The following KCNQ1 variants were observed in gnomAD, a reference collection of about 807,000 sequenced individuals.
KCNQ1 encodes the protein potassium voltage-gated channel subfamily KQT member 1.
Under a neutral mutation model 72.4 loss-of-function variants are expected in KCNQ1, and 49 were observed. The observed-to-expected ratio is 0.68, with a 90% confidence interval of 0.54 to 0.86. The LOEUF (loss-of-function observed/expected upper bound fraction) is 0.86. Ranked by LOEUF, KCNQ1 falls within the 40% of genes least tolerant of loss-of-function variation. The probability of loss-of-function intolerance (pLI) is 0.00; values close to 1 mark genes in which losing one functional copy is unlikely to be tolerated. For synonymous variants in KCNQ1, 450 were observed against 412.6 expected (o/e 1.09, Z -1.10); for missense variants, 790 against 945.1 (o/e 0.84, Z 2.15).
chr11:2,490,341 TG>T (rs1846814588), intron 1 of KCNQ1, among the ~76,000 whole-genome samples: 1 of 152,232 alleles, frequency 6.6e-6, no homozygotes, highest in Admixed American at 6.5e-5. Context: ...ACCTTGGACT[TG>T]GGGGAACTCA....
In KCNQ1 at chr11:2,826,118, A is replaced by C. The variant is rs1342291054; in HGVS notation, c.1795-21649A>C. On this transcript the variant is annotated intron_variant, in intron 15 of 15. Coordinates refer to ENST00000155840, the MANE Select transcript of KCNQ1 (RefSeq NM_000218.3). The surrounding 1 kb of genome is among the most constrained non-coding windows in gnomAD (Gnocchi z 4.2). The stretch of plus-strand genomic sequence containing the variant: ...CCTGTTACCTAACCAGGCCTGGCTC[A>C]TGCCAATGTCTTGAGTAATTATTGG... Among the ~76,000 whole-genome samples the C allele has an allele frequency of 1.3e-5, 2 of 152,260 alleles. No individual in the cohort carries two copies. Among genetic ancestry groups the C allele is most frequent in the Non-Finnish European group, 2.9e-5 (2 of 68,046 alleles).
rs187504549 is a variant in KCNQ1, at chr11:2,694,493, C to T, written c.1514+32412C>T. 1.7e-3 allele frequency: 692 copies of T among 398,632 alleles called. 4 individuals carry two copies. Among genetic ancestry groups the T allele is most frequent in the Middle Eastern group, 0.017 (27 of 1,588 alleles). The allele number at this position is 398,632 out of a possible 1,614,324, so 24.7% of individuals were successfully genotyped here. Reference sequence around the variant, plus strand: ...AGATACATCCTGTCCCAAGCATTACCAGTGTGGCTGGCTAAGAAACCCTGG... The same window carrying T: ...AGATACATCCTGTCCCAAGCATTACTAGTGTGGCTGGCTAAGAAACCCTGG... On this transcript the variant is annotated intron_variant, in intron 11 of 15. Coordinates refer to ENST00000155840, the MANE Select transcript of KCNQ1 (RefSeq NM_000218.3).
Position 2,682,487 on chromosome 11 carries a change from T to TGAGTGAGG in KCNQ1, c.1514+20413_1514+20414insGGAGTGAG, listed in dbSNP as rs994657528. The TGAGTGAGG allele has an allele frequency of 7.5e-6, 3 of 397,358 alleles. No individual in the cohort carries two copies. The highest frequency in any genetic ancestry group is 1.3e-5 in the Non-Finnish European group (3 of 225,820). The allele number at this position is 397,358 out of a possible 1,614,324, so 24.6% of individuals were successfully genotyped here. On this transcript the variant is annotated intron_variant, in intron 11 of 15. Transcript: ENST00000155840. This position sits in a 1 kb window ranked among gnomAD's most constrained non-coding sequence, Gnocchi z 5.8. ...AGTGAATGTTTGACGAGTGAGTGAG[T>TGAGTGAGG]GAGTGAGTGAGTGAGTGAGTACTTG...
At chr11:2,806,559 G>T (rs1386398002) in intron 15 of KCNQ1, among the ~76,000 whole-genome samples, 2 of 152,160 alleles carry the variant, frequency 1.3e-5, no homozygotes, top group Non-Finnish European at 2.9e-5. Flanking sequence ...CAGGTAACCT[G>T]TCTGTGCTCC....
rs533377797 is a variant in KCNQ1, at chr11:2,464,629, G to A, written c.386+19145G>A. ...TGTCCTTGGGGAGGCCTGGGGGACA[G>A]GAGTTGGGGGGGTGGGCAGTGCCTC... is the stretch of plus-strand genomic sequence containing the variant. On this transcript the variant is annotated intron_variant, in intron 1 of 15. Coordinates refer to ENST00000155840, the MANE Select transcript of KCNQ1 (RefSeq NM_000218.3). This position sits in a 1 kb window ranked among gnomAD's most constrained non-coding sequence, Gnocchi z 5.0. Among the ~76,000 whole-genome samples, 17 of 152,262 alleles carry A rather than the reference G, an allele frequency of 1.1e-4. No individual in the cohort carries two copies. Among genetic ancestry groups the A allele is most frequent in the African/African-American group, 3.4e-4 (14 of 41,550 alleles).
rs1242256584 is a variant in KCNQ1, at chr11:2,762,361, C to T, written c.1515-6483C>T. On this transcript the variant is annotated intron_variant, in intron 11 of 15. Coordinates refer to ENST00000155840, the MANE Select transcript of KCNQ1 (RefSeq NM_000218.3). This position sits in a 1 kb window ranked among gnomAD's most constrained non-coding sequence, Gnocchi z 4.3. Reference sequence around the variant, plus strand: ...TTGCCTCATAGTTAGGCCTGTGACTCTCCCTGGGTTAACTTTGTGACCGGT... The same window carrying T: ...TTGCCTCATAGTTAGGCCTGTGACTTTCCCTGGGTTAACTTTGTGACCGGT... Among the ~76,000 whole-genome samples the T allele has an allele frequency of 6.6e-6, 1 of 152,226 alleles. No homozygotes were observed. The highest frequency in any genetic ancestry group is 1.5e-5 in the Non-Finnish European group (1 of 68,046).
chr11:2,813,539 C>T lies in KCNQ1; in HGVS notation c.1795-34228C>T, dbSNP rs1478615023. 6.6e-6 allele frequency among the ~76,000 whole-genome samples: 1 copy of T among 152,118 alleles called. No individual in the cohort carries two copies. ...CCTCCAGCCCCTGTCTCTATGGTCCCCTCCTTGATCTGGAGCCATTCAGCC... is the reference window on the plus strand; with the variant it reads ...CCTCCAGCCCCTGTCTCTATGGTCCTCTCCTTGATCTGGAGCCATTCAGCC... On this transcript the variant is annotated intron_variant, in intron 15 of 15. Transcript: ENST00000155840. This position sits in a 1 kb window ranked among gnomAD's most constrained non-coding sequence, Gnocchi z 4.4.
chr11:2,738,743 C>T (rs913945397), intron 11 of KCNQ1, among the ~76,000 whole-genome samples: 8 of 152,332 alleles, frequency 5.3e-5, no homozygotes, highest in Admixed American at 6.5e-5. Flanking sequence ...CCCAGCAGAA[C>T]GTGGGCTGCA....
At position 2,768,983 on chromosome 11, in the gene KCNQ1, C is replaced by CT; in HGVS notation, c.1590+64_1590+65insT. On this transcript the variant is annotated intron_variant, in intron 12 of 15. Coordinates refer to ENST00000155840, the MANE Select transcript of KCNQ1 (RefSeq NM_000218.3). This position sits in a 1 kb window ranked among gnomAD's most constrained non-coding sequence, Gnocchi z 6.7. Reference sequence around the variant, plus strand: ...CCTCGCAGCCTGATGCAGCTGCCCACACCTCTCCTGGGTTCTCTCCTGCCC... The same window carrying CT: ...CCTCGCAGCCTGATGCAGCTGCCCACTACCTCTCCTGGGTTCTCTCCTGCCC... 1 of 1,332,126 alleles carries CT rather than the reference C, an allele frequency of 7.5e-7. No homozygotes were observed. Among genetic ancestry groups the CT allele is most frequent in the Admixed American group, 1.7e-5 (1 of 58,988 alleles). The allele number at this position is 1,332,126 out of a possible 1,614,324, so 82.5% of individuals were successfully genotyped here.
intron 2 of KCNQ1, among the ~76,000 whole-genome samples, chr11:2,534,644 G>T (rs1651508237): frequency 6.6e-6 from 1 of 152,198 alleles, no homozygotes; most frequent in Admixed American, 6.5e-5. Flanking sequence ...GGGCTGCAGG[G>T]TGCTCTGGGA....
chr11:2,723,169 G>A lies in KCNQ1; in HGVS notation c.1515-45675G>A, dbSNP rs754478044. On this transcript the variant is annotated intron_variant, in intron 11 of 15. Transcript: ENST00000155840. The surrounding 1 kb of genome is among the most constrained non-coding windows in gnomAD (Gnocchi z 4.2). ...CTTGGCTCCGCCTTCCTCCGTGGTG[G>A]CCTGAGAGGGGTGTGGTGCTGCTTG... Among the ~76,000 whole-genome samples, 15 of 152,340 alleles carry A rather than the reference G, an allele frequency of 9.8e-5. No individual in the cohort carries two copies. The highest frequency in any genetic ancestry group is 2.1e-4 in the South Asian group (1 of 4,826).
intron 15 of KCNQ1, among the ~76,000 whole-genome samples, chr11:2,802,476 C>T (rs773719087): frequency 6.6e-6 from 1 of 152,224 alleles, no homozygotes; most frequent in Admixed American, 6.5e-5. Context: ...ATTAATTAAG[C>T]CCCCTGGAGA....
chr11:2,597,300 G>A (rs547458030), intron 10 of KCNQ1, among the ~76,000 whole-genome samples: 2 of 152,250 alleles, frequency 1.3e-5, no homozygotes, highest in East Asian at 3.9e-4. Flanking sequence ...CAAAATTAAA[G>A]ATGCATATGC....
At chr11:2,631,278 A>C (rs917511554) in intron 10 of KCNQ1, 2 of 398,244 alleles carry the variant, frequency 5.0e-6, no homozygotes, top group African/African-American at 2.1e-5. Context: ...TTACCTTTTC[A>C]TTCTTTATTT....
chr11:2,793,485 G>C (rs183032723), intron 15 of KCNQ1, among the ~76,000 whole-genome samples: 2 of 129,298 alleles, frequency 1.5e-5, no homozygotes, highest in South Asian at 4.7e-4. Context: ...TTAGCCAAGC[G>C]TGATGGTGTG....
At position 2,674,796 on chromosome 11, in the gene KCNQ1, C is replaced by T. The variant is rs1850261788; in HGVS notation, c.1514+12715C>T. The T allele has an allele frequency of 2.5e-6, 1 of 392,484 alleles. No individual in the cohort carries two copies. Among genetic ancestry groups the T allele is most frequent in the Non-Finnish European group, 4.4e-6 (1 of 225,436 alleles). 24.3% of individuals were successfully genotyped at this position (392,484 alleles called of 1,614,324 possible). On this transcript the variant is annotated intron_variant, in intron 11 of 15. Transcript: ENST00000155840. The surrounding 1 kb of genome is among the most constrained non-coding windows in gnomAD (Gnocchi z 5.9). The stretch of plus-strand genomic sequence containing the variant: ...CCTGGAAACTCTCGCCAACTGCTGG[C>T]CTTTGGAAAGGCTTGTCACCCTAAT...
rs200255790 is a variant in KCNQ1 at position 2,574,942 on chromosome 11, G to GT, written c.921+1957dup. ...GCCCCCCTGCGGGAGCCTGCCTGCA[G>GT]TGAGTGTGGATGGGTAGGGCGTGCT... On this transcript the variant is annotated intron_variant, in intron 6 of 15. Transcript: ENST00000155840. 8.0e-3 allele frequency among the ~76,000 whole-genome samples: 1,221 copies of GT among 152,300 alleles called. 11 individuals are homozygous for GT. The highest frequency in any genetic ancestry group is 0.027 in the African/African-American group (1,123 of 41,564).
chr11:2,715,736 C>G lies in KCNQ1; in HGVS notation c.1515-53108C>G, dbSNP rs1203656876. Among the ~76,000 whole-genome samples, 1 of 152,212 alleles carries G rather than the reference C, an allele frequency of 6.6e-6. No individual in the cohort carries two copies. Among genetic ancestry groups the G allele is most frequent in the Non-Finnish European group, 1.5e-5 (1 of 68,022 alleles). On this transcript the variant is annotated intron_variant, in intron 11 of 15. Coordinates refer to ENST00000155840, the MANE Select transcript of KCNQ1 (RefSeq NM_000218.3). The surrounding 1 kb of genome is among the most constrained non-coding windows in gnomAD (Gnocchi z 4.9). ...CTCTGGGGCACCCTCATATCACACC[C>G]TGTCCCTCTGGCCACATTCCAGCTG...
In KCNQ1 at chr11:2,457,952, A is replaced by G. The variant is rs1846220499; in HGVS notation, c.386+12468A>G. Among the ~76,000 whole-genome samples, 1 of 152,094 alleles carries G rather than the reference A, an allele frequency of 6.6e-6. No homozygotes were observed. Among genetic ancestry groups the G allele is most frequent in the Admixed American group, 6.6e-5 (1 of 15,264 alleles). On this transcript the variant is annotated intron_variant, in intron 1 of 15. Coordinates refer to ENST00000155840, the MANE Select transcript of KCNQ1 (RefSeq NM_000218.3). The surrounding 1 kb of genome is among the most constrained non-coding windows in gnomAD (Gnocchi z 5.0). ...CTGTTTCCTGGAAAGGCCCAGGACC[A>G]AGGACCACTCAGCAGCTAAGAGCAT...
Sources: allele counts gnomAD v4.1 joint callset (sites outside exome capture counted in the v4.1 genomes callset), GRCh38; gene constraint gnomAD v4.1.1; non-coding constraint Gnocchi (gnomAD v3.1); transcripts MANE v1.5; gene names NCBI Gene and HGNC (gene_info 2026-07-23, HGNC 2026-07-21).